The following ERBB4 variants were observed in gnomAD, a reference collection of about 807,000 sequenced individuals.
The protein encoded by ERBB4 is receptor tyrosine-protein kinase erbB-4.
A neutral mutation model predicts 158.0 loss-of-function variants in ERBB4; 42 were observed. The ratio of observed to expected loss-of-function variants is 0.27; its 90% CI spans 0.21 to 0.34. ERBB4 has a LOEUF of 0.34. Among genes scored for constraint, ERBB4 ranks in the 10% least tolerant of loss-of-function variants. ERBB4 has a pLI of 1.00. For synonymous variants in ERBB4, 583 were observed against 558.7 expected (o/e 1.04, Z -0.61); for missense variants, 1,333 against 1,624.1 (o/e 0.82, Z 3.08).
intron 2 of ERBB4, among the ~76,000 whole-genome samples, chr2:211,974,768 G>A (rs1332084215): frequency 1.3e-5 from 2 of 152,004 alleles, no homozygotes; most frequent in East Asian, 3.9e-4. Context: ...TCTCAAAAAA[G>A]AAGAAAAGAA....
At position 211,378,401 on chromosome 2, in the gene ERBB4, C is replaced by A; in HGVS notation, c.*5214G>T. ...AAGTGACAGATCCTACATTTTTGGA[C>A]CTCTACAAAATCAGTGAGACTTGAA... is the stretch of plus-strand genomic sequence containing the variant. On this transcript the variant is annotated 3_prime_UTR_variant, in exon 28 of 28. Coordinates refer to ENST00000342788, the MANE Select transcript of ERBB4 (RefSeq NM_005235.3). The A allele has an allele frequency of 8.6e-6, 2 of 232,676 alleles. No homozygotes were observed. Among genetic ancestry groups the A allele is most frequent in the Non-Finnish European group, 1.7e-5 (2 of 117,472 alleles). 14.4% of individuals were successfully genotyped at this position (232,676 alleles called of 1,614,324 possible).
intron 1 of ERBB4, among the ~76,000 whole-genome samples, chr2:212,274,622 T>C (rs927632499): frequency 2.0e-5 from 3 of 151,838 alleles, no homozygotes; most frequent in African/African-American, 7.2e-5. Flanking sequence ...CAACTGCAAA[T>C]GGCACCATGT....
intron 1 of ERBB4, among the ~76,000 whole-genome samples, chr2:212,411,843 CT>C (rs2091509443): frequency 6.6e-6 from 1 of 152,056 alleles, no homozygotes; most frequent in Admixed American, 6.6e-5. Context: ...CTATACTATG[CT>C]ATACTATATT....
chr2:211,650,737 C>T, intron 16 of ERBB4, among the ~76,000 whole-genome samples: 1 of 152,078 alleles, frequency 6.6e-6, no homozygotes, highest in East Asian at 1.9e-4. Context: ...AGTATTCTAG[C>T]AGACATATTT....
intron 20 of ERBB4, among the ~76,000 whole-genome samples, chr2:211,458,559 C>A (rs1022632162): frequency 7.2e-5 from 11 of 152,196 alleles, no homozygotes; most frequent in African/African-American, 2.7e-4. Context: ...TCCACCACGC[C>A]TGGCCAACAC....
intron 2 of ERBB4, among the ~76,000 whole-genome samples, chr2:211,952,877 G>GA (rs972015653): frequency 6.1e-4 from 90 of 147,208 alleles, no homozygotes; most frequent in Middle Eastern, 3.5e-3. Context: ...AATCTGAGCA[G>GA]AAAAAAAAAA....
intron 11 of ERBB4, among the ~76,000 whole-genome samples, chr2:211,703,650 T>C (rs2073333806): frequency 1.3e-5 from 2 of 152,184 alleles, no homozygotes; most frequent in African/African-American, 4.8e-5. Context: ...TAACCAGCAC[T>C]ACACGTACAG....
chr2:211,736,492 C>T (rs912586415), intron 5 of ERBB4, among the ~76,000 whole-genome samples: 1 of 152,140 alleles, frequency 6.6e-6, no homozygotes, highest in African/African-American at 2.4e-5. Context: ...AAAGCATTGT[C>T]TTATTGCATG....
At chr2:211,536,220 C>G (rs1450129159) in intron 20 of ERBB4, among the ~76,000 whole-genome samples, 1 of 152,040 alleles carries the variant, frequency 6.6e-6, no homozygotes, top group Non-Finnish European at 1.5e-5. Flanking sequence ...AAAGGAAATT[C>G]TTAGGAATCA....
chr2:211,652,728 ATTACT>A (rs1205859518), intron 16 of ERBB4, among the ~76,000 whole-genome samples: 2 of 152,004 alleles, frequency 1.3e-5, no homozygotes, highest in African/African-American at 2.4e-5. Context: ...ACTGAGTCAA[ATTACT>A]TTACTTTATA....
At chr2:212,260,220 T>C (rs1172268614) in intron 1 of ERBB4, among the ~76,000 whole-genome samples, 4 of 152,074 alleles carry the variant, frequency 2.6e-5, no homozygotes, top group Admixed American at 6.6e-5. Context: ...AAATAGAGTA[T>C]GGGGATATGG....
At chr2:211,831,160 C>T (rs1312903211) in intron 3 of ERBB4, among the ~76,000 whole-genome samples, 1 of 152,134 alleles carries the variant, frequency 6.6e-6, no homozygotes, top group Non-Finnish European at 1.5e-5. Flanking sequence ...TAATTAGGCT[C>T]ATTCTAATGT....
chr2:211,628,322 C>T (rs1377138414), intron 17 of ERBB4, among the ~76,000 whole-genome samples: 1 of 152,176 alleles, frequency 6.6e-6, no homozygotes, highest in Admixed American at 6.5e-5. Context: ...TCCCCACTTG[C>T]CTCACCCCAC....
intron 25 of ERBB4, among the ~76,000 whole-genome samples, chr2:211,395,601 T>A (rs1013562655): frequency 5.6e-5 from 6 of 106,758 alleles, no homozygotes; most frequent in African/African-American, 7.5e-5. Flanking sequence ...GTAAATTTAG[T>A]GACACTTTAA....
At chr2:211,423,309 T>C (rs1048374779) in intron 23 of ERBB4, among the ~76,000 whole-genome samples, 6 of 152,094 alleles carry the variant, frequency 3.9e-5, no homozygotes, top group Non-Finnish European at 8.8e-5. Context: ...ACACATGTCA[T>C]GAATATAAAT....
At chr2:211,953,928 T>C (rs1296828657) in intron 2 of ERBB4, among the ~76,000 whole-genome samples, 1 of 152,046 alleles carries the variant, frequency 6.6e-6, no homozygotes, top group Non-Finnish European at 1.5e-5. Flanking sequence ...CTAGAGACAA[T>C]GTGAAATCTG....
At chr2:211,499,046 A>G (rs2065547972) in intron 20 of ERBB4, among the ~76,000 whole-genome samples, 1 of 152,156 alleles carries the variant, frequency 6.6e-6, no homozygotes, top group African/African-American at 2.4e-5. Flanking sequence ...GCTAGCACAG[A>G]GCCTAGTGCT....
chr2:211,715,252 T>C (rs779215412), intron 7 of ERBB4, among the ~76,000 whole-genome samples: 1 of 152,150 alleles, frequency 6.6e-6, no homozygotes, highest in Non-Finnish European at 1.5e-5. Flanking sequence ...TGGGAGTGGG[T>C]ACAAAGTATG....
At chr2:212,095,044 T>C (rs935652999) in intron 2 of ERBB4, among the ~76,000 whole-genome samples, 2 of 152,156 alleles carry the variant, frequency 1.3e-5, no homozygotes, top group African/African-American at 4.8e-5. Context: ...AAAAGTAATA[T>C]TCTTGGGGAA....
Sources: gnomAD v4.1 joint callset for allele counts (sites outside exome capture counted in the v4.1 genomes callset) on GRCh38, gnomAD v4.1.1 for gene constraint, MANE v1.5 for transcripts, NCBI Gene and HGNC (gene_info 2026-07-23, HGNC 2026-07-21) for gene names.